MRPL30: variants seen among roughly 807,000 people sequenced by gnomAD.
MRPL30 encodes large ribosomal subunit protein uL30m.
A neutral mutation model predicts 17.2 loss-of-function variants in MRPL30; 10 were observed. That is an observed-to-expected ratio of 0.58 (90% CI 0.36 to 0.99). The LOEUF (loss-of-function observed/expected upper bound fraction) is 0.99. MRPL30 is among the 50% of genes least tolerant of loss of function. The pLI is 0.01. For missense variants in MRPL30, 170 were observed against 189.8 expected, an observed-to-expected ratio of 0.90 and a Z score of 0.61; for synonymous variants, 61 against 62.1, an observed-to-expected ratio of 0.98 and a Z score of 0.08.
At position 99,188,253 on chromosome 2, in the gene MRPL30, A is replaced by T. The variant is rs941020636; in HGVS notation, c.128A>T (p.Glu43Val). 3 of 1,602,646 alleles carry T rather than the reference A, an allele frequency of 1.9e-6. No homozygotes were observed. The highest frequency in any genetic ancestry group is 2.6e-6 in the Non-Finnish European group (3 of 1,175,324). The change falls in exon 3 of 6, where the codon GAA (glutamate) becomes GTA (valine). Residue 43 changes from glutamate (E) to valine (V), a missense_variant. Transcript: ENST00000338148. ...AAATTCACCAGATCAAGAATTCCAG[A>T]AAAAGTAAGAACAAAGTTTGATTTT... The part of the protein sequence containing the change: ...RHKFTRSRIP[E>V]KVFQASPEDH...
Position 99,195,180 on chromosome 2 carries a change from A to G in MRPL30, c.344A>G (p.His115Arg). 1 of 1,606,318 alleles carries G rather than the reference A, an allele frequency of 6.2e-7. No homozygotes were observed. Among genetic ancestry groups the G allele is most frequent in the Non-Finnish European group, 8.5e-7 (1 of 1,175,928 alleles). The change falls in exon 5 of 6, where the codon CAT becomes CGT. Residue 115 changes from histidine (H) to arginine (R), a missense_variant. Transcript: ENST00000338148. Reference sequence around the variant, plus strand: ...AATGCAAAATTGAAAGTAGTTAAGCATTTGATAAGGTTTGTTGTTTCTTCT... The same window carrying G: ...AATGCAAAATTGAAAGTAGTTAAGCGTTTGATAAGGTTTGTTGTTTCTTCT... ...SVNAKLKVVK[H>R]LIRIKPLKLP...
At chr2:99,184,213 T>C (rs1473065763) in intron 1 of MRPL30, among the ~76,000 whole-genome samples, 1 of 152,172 alleles carries the variant, frequency 6.6e-6, no homozygotes, top group Non-Finnish European at 1.5e-5. Context: ...ATCGTTATGT[T>C]TTTTCCAGTA....
At chr2:99,192,232 C>G (rs1254637233) in intron 3 of MRPL30, among the ~76,000 whole-genome samples, 2 of 152,156 alleles carry the variant, frequency 1.3e-5, no homozygotes, top group Admixed American at 6.6e-5. Flanking sequence ...CAATGCTTCT[C>G]TAGCTGCTCT....
chr2:99,195,166 G>A lies in MRPL30; in HGVS notation c.330G>A (p.Leu110=), dbSNP rs371061963. 220 of 1,608,462 alleles carry A rather than the reference G, an allele frequency of 1.4e-4. No individual in the cohort carries two copies. The highest frequency in any genetic ancestry group is 1.8e-4 in the Non-Finnish European group (214 of 1,177,918). The change falls in exon 5 of 6, where the codon TTG becomes TTA. Residue 110 remains leucine (L), a synonymous_variant. Coordinates refer to ENST00000338148, the MANE Select transcript of MRPL30 (RefSeq NM_145212.4). ...HKNIPSVNAK[L]KVVKHLIRIK... ...ATATCCCTTCAGTGAATGCAAAATT[G>A]AAAGTAGTTAAGCATTTGATAAGGT...
intron 1 of MRPL30, among the ~76,000 whole-genome samples, chr2:99,182,131 T>TA (rs1559187169): frequency 6.6e-6 from 1 of 152,120 alleles, no homozygotes; most frequent in Non-Finnish European, 1.5e-5. Context: ...CACAGACATT[T>TA]AAAAAAATAG....
At chr2:99,185,981 A>T (rs938528734) in intron 1 of MRPL30, among the ~76,000 whole-genome samples, 196 bp from the exon 2 acceptor site, 4 of 152,240 alleles carry the variant, frequency 2.6e-5, no homozygotes, top group Admixed American at 2.6e-4. Flanking sequence ...GATGTGGCTA[A>T]TGTGTATAAT....
intron 3 of MRPL30, 33 bp from the exon 4 acceptor site, chr2:99,194,718 G>A: frequency 6.4e-7 from 1 of 1,556,858 alleles, no homozygotes; most frequent in Non-Finnish European, 8.6e-7. Context: ...GTGTAAGTTG[G>A]AAATTTACCA....
intron 3 of MRPL30, among the ~76,000 whole-genome samples, chr2:99,190,022 G>A (rs1214341436): frequency 1.3e-5 from 2 of 151,952 alleles, no homozygotes; most frequent in Non-Finnish European, 2.9e-5. Context: ...CTACTCAGGA[G>A]GCTGAGCGGG....
In MRPL30 at chr2:99,196,793, C is replaced by T. The variant is rs2093955880; in HGVS notation, c.*1088C>T. 6.6e-6 allele frequency: 1 copy of T among 152,198 alleles called. No individual in the cohort carries two copies. The highest frequency in any genetic ancestry group is 1.5e-5 in the Non-Finnish European group (1 of 68,036). 9.4% of individuals were successfully genotyped at this position (152,198 alleles called of 1,614,324 possible). A position where few individuals can be genotyped will look rare whatever the true frequency, so the allele number is the denominator to read the frequency against. ...AAACACTGGATGCCAGCTAGATTATCTGTTCTGTGCTTTGGTGTCTATAAG... is the reference window on the plus strand; with the variant it reads ...AAACACTGGATGCCAGCTAGATTATTTGTTCTGTGCTTTGGTGTCTATAAG... On this transcript the variant is annotated 3_prime_UTR_variant, in exon 6 of 6. Transcript: ENST00000338148.
At chr2:99,188,882 G>A (rs912476546) in intron 3 of MRPL30, among the ~76,000 whole-genome samples, 3 of 152,030 alleles carry the variant, frequency 2.0e-5, no homozygotes, top group Non-Finnish European at 4.4e-5. Context: ...TGTATTTTTA[G>A]TAGAGATGGG....
intron 5 of MRPL30, 65 bp downstream of exon 5, chr2:99,195,254 C>T (rs2093953229): frequency 3.5e-6 from 5 of 1,423,460 alleles, no homozygotes; most frequent in Non-Finnish European, 2.9e-6. Context: ...ATGCATTTTT[C>T]TTTTTTCGTT....
rs1298279893 is a variant in MRPL30, at chr2:99,198,251, G to C, written c.*2546G>C. Among the ~76,000 whole-genome samples, 1 of 152,196 alleles carries C rather than the reference G, an allele frequency of 6.6e-6. No homozygotes were observed. The highest frequency in any genetic ancestry group is 2.4e-5 in the African/African-American group (1 of 41,440). The stretch of plus-strand genomic sequence containing the variant: ...ATGTTTGTGGGTCGGAAGTCTAGGC[G>C]TGGCTTAGCTGGGTAGTCTGTTTAG... On this transcript the variant is annotated 3_prime_UTR_variant, in exon 6 of 6. Coordinates refer to ENST00000338148, the MANE Select transcript of MRPL30 (RefSeq NM_145212.4).
chr2:99,186,098 T>G, intron 1 of MRPL30, 79 bp from the exon 2 acceptor site: 1 of 933,876 alleles, frequency 1.1e-6, no homozygotes, highest in South Asian at 1.5e-5. Flanking sequence ...GCTGCTTAGT[T>G]TTTTAATACT....
At chr2:99,188,287 T>C (rs2093937821) in intron 3 of MRPL30, 30 bp downstream of exon 3, 5 of 1,518,936 alleles carry the variant, frequency 3.3e-6, no homozygotes, top group Non-Finnish European at 4.5e-6. Flanking sequence ...TTTTTAATGT[T>C]AGTGTTGTTT....
rs752774558 is a variant in MRPL30, at chr2:99,186,189, G to A, written c.-15G>A. On this transcript the variant is annotated 5_prime_UTR_variant, in exon 2 of 6. Coordinates refer to ENST00000338148, the MANE Select transcript of MRPL30 (RefSeq NM_145212.4). Reference sequence around the variant, plus strand: ...CTACTTCCCACAGCCTCTAAAGAGAGCAATCACTACACTTATGGCTGGGAT... The same window carrying A: ...CTACTTCCCACAGCCTCTAAAGAGAACAATCACTACACTTATGGCTGGGAT... 1.9e-6 allele frequency: 3 copies of A among 1,613,338 alleles called. No homozygotes were observed. The highest frequency in any genetic ancestry group is 2.2e-5 in the East Asian group (1 of 44,894).
chr2:99,190,470 G>C (rs2093943018), intron 3 of MRPL30, among the ~76,000 whole-genome samples: 1 of 151,680 alleles, frequency 6.6e-6, no homozygotes, highest in Non-Finnish European at 1.5e-5. Flanking sequence ...TGAGATGAGA[G>C]GATCACTTTA....
At chr2:99,188,039 A>T (rs554700352) in intron 2 of MRPL30, 138 bp from the exon 3 acceptor site, 7 of 586,718 alleles carry the variant, frequency 1.2e-5, no homozygotes, top group Non-Finnish European at 2.1e-5. Context: ...GGATGCGTTC[A>T]CTCAGCTAGG....
At chr2:99,186,052 A>G (rs2093933309) in intron 1 of MRPL30, 125 bp from the exon 2 acceptor site, 1 of 623,358 alleles carries the variant, frequency 1.6e-6, no homozygotes, top group South Asian at 2.1e-5. Context: ...ATATTAAAAT[A>G]ACCAATAATT....
chr2:99,183,604 A>C (rs1413878105), intron 1 of MRPL30, among the ~76,000 whole-genome samples: 1 of 152,184 alleles, frequency 6.6e-6, no homozygotes, highest in African/African-American at 2.4e-5. Flanking sequence ...ACTGTGATCA[A>C]AATGGACAAG....
Sources: allele counts gnomAD v4.1 joint callset (sites outside exome capture counted in the v4.1 genomes callset), GRCh38; gene constraint gnomAD v4.1.1; transcripts MANE v1.5; gene names NCBI Gene and HGNC (gene_info 2026-07-23, HGNC 2026-07-21).